The following PTPN11 variants were observed in gnomAD, a reference collection of about 807,000 sequenced individuals.
PTPN11 encodes tyrosine-protein phosphatase non-receptor type 11.
PTPN11 carries 6 observed loss-of-function variants against 78.8 expected under a neutral mutation model. The ratio of observed to expected loss-of-function variants is 0.08; its 90% CI spans 0.04 to 0.15. The LOEUF (loss-of-function observed/expected upper bound fraction) is 0.15. Among genes scored for constraint, PTPN11 ranks in the 10% least tolerant of loss-of-function variants. The pLI is 1.00. For synonymous variants in PTPN11, 221 were observed against 263.5 expected (o/e 0.84, Z 1.56); for missense variants, 386 against 744.8 (o/e 0.52, Z 5.61).
At chr12:112,439,614 G>A (rs1592815874) in intron 1 of PTPN11, among the ~76,000 whole-genome samples, 1 of 151,894 alleles carries the variant, frequency 6.6e-6, no homozygotes, top group East Asian at 1.9e-4. Context: ...GACTATAGGC[G>A]CGCACCACCA....
At chr12:112,444,526 A>G (rs1032676273) in intron 1 of PTPN11, among the ~76,000 whole-genome samples, 2 of 152,046 alleles carry the variant, frequency 1.3e-5, no homozygotes, top group African/African-American at 2.4e-5. Context: ...TTTTTAGTAG[A>G]GATGGGTTTC....
chr12:112,424,957 TGTGTG>T lies in PTPN11; in HGVS notation c.14+5833_14+5837del, dbSNP rs1411873348. Among the ~76,000 whole-genome samples, 178 of 17,802 alleles carry T rather than the reference TGTGTG, an allele frequency of 1.0e-2. 3 individuals are homozygous for T. The highest frequency in any genetic ancestry group is 0.015 in the East Asian group (9 of 588). The allele number at this position is 17,802 out of a possible 152,430, so 11.7% of individuals were successfully genotyped here. ...GCACACACCACCATGTCAGGCTAAT[TGTGTG>T]TGTGTGTGTGTGTGTGTGTGTGTGT... is the stretch of plus-strand genomic sequence containing the variant. On this transcript the variant is annotated intron_variant, in intron 1 of 15. Coordinates refer to ENST00000351677, the MANE Select transcript of PTPN11 (RefSeq NM_002834.5).
intron 1 of PTPN11, among the ~76,000 whole-genome samples, chr12:112,433,831 T>C (rs146163336): frequency 1.4e-4 from 22 of 152,256 alleles, no homozygotes; most frequent in African/African-American, 5.3e-4. Context: ...ATTGGACACC[T>C]TCATGGTCCC....
At chr12:112,445,362 C>T (rs897477442) in intron 1 of PTPN11, among the ~76,000 whole-genome samples, 2 of 152,106 alleles carry the variant, frequency 1.3e-5, no homozygotes, top group South Asian at 2.1e-4. Flanking sequence ...GAACTCCTGA[C>T]GTCAAGTGAT....
chr12:112,425,467 C>T (rs1242567139), intron 1 of PTPN11, among the ~76,000 whole-genome samples: 1 of 151,584 alleles, frequency 6.6e-6, no homozygotes, highest in African/African-American at 2.4e-5. Context: ...AAACTTATTC[C>T]CCAAGAACAA....
intron 1 of PTPN11, among the ~76,000 whole-genome samples, chr12:112,424,071 A>G (rs1335695754): frequency 5.3e-5 from 8 of 152,200 alleles, no homozygotes; most frequent in Admixed American, 5.2e-4. Flanking sequence ...TCTATTTTAA[A>G]GATAATGGTT....
chr12:112,500,333 G>T (rs1249688839), intron 13 of PTPN11, among the ~76,000 whole-genome samples: 1 of 152,132 alleles, frequency 6.6e-6, no homozygotes, highest in East Asian at 1.9e-4. Context: ...TCTAAGGATT[G>T]TTTCTTATAT....
At chr12:112,435,177 G>A (rs1441450112) in intron 1 of PTPN11, among the ~76,000 whole-genome samples, 1 of 151,826 alleles carries the variant, frequency 6.6e-6, no homozygotes, top group African/African-American at 2.4e-5. Flanking sequence ...TGCCATCAAT[G>A]CCCCACCAAT....
intron 14 of PTPN11, among the ~76,000 whole-genome samples, chr12:112,503,143 A>C (rs928367436): frequency 3.3e-5 from 5 of 152,226 alleles, no homozygotes; most frequent in African/African-American, 1.2e-4. Flanking sequence ...CAAAGACCCA[A>C]TAACAAAACA....
chr12:112,478,293 C>T (rs2038540916), intron 9 of PTPN11, among the ~76,000 whole-genome samples: 1 of 151,882 alleles, frequency 6.6e-6, no homozygotes. Flanking sequence ...ATATCCTGGG[C>T]TGGGCATGGT....
intron 1 of PTPN11, among the ~76,000 whole-genome samples, chr12:112,428,018 T>C (rs188233411): frequency 4.6e-5 from 7 of 152,324 alleles, no homozygotes; most frequent in Admixed American, 4.6e-4. Context: ...CCCAAAGTGC[T>C]GGCATTATGG....
chr12:112,447,463 A>G (rs77342137), intron 2 of PTPN11, among the ~76,000 whole-genome samples: 2,002 of 152,246 alleles, frequency 0.013, 53 homozygotes, highest in African/African-American at 0.046. Context: ...TTTGCAACTT[A>G]AAAATTTTTT....
At position 112,477,905 on chromosome 12, in the gene PTPN11, A is replaced by G; in HGVS notation, c.982A>G (p.Ile328Val). Residue 328 changes from isoleucine to valine, a missense_variant, in exon 9 of 16, where the codon ATT becomes GTT. Coordinates refer to ENST00000351677, the MANE Select transcript of PTPN11 (RefSeq NM_002834.5). The part of the protein sequence containing the change: ...CNNSKPKKSY[I>V]ATQGCLQNTV... ...CAATTCAAAGCCCAAAAAGAGTTAC[A>G]TTGCCACACAAGGCTGCCTGCAAAA... 2 of 1,614,216 alleles carry G rather than the reference A, an allele frequency of 1.2e-6. No individual in the cohort carries two copies. Among genetic ancestry groups the G allele is most frequent in the Non-Finnish European group, 8.5e-7 (1 of 1,180,034 alleles).
intron 13 of PTPN11, among the ~76,000 whole-genome samples, chr12:112,493,225 A>G (rs1050096656): frequency 6.6e-6 from 1 of 151,784 alleles, no homozygotes; most frequent in African/African-American, 2.4e-5. Flanking sequence ...CACCCGGCTA[A>G]TTTTTGTATT....
At position 112,482,216 on chromosome 12, in the gene PTPN11, T is replaced by C; in HGVS notation, c.1224+11T>C. 1 of 1,611,832 alleles carries C rather than the reference T, an allele frequency of 6.2e-7. No homozygotes were observed. The highest frequency in any genetic ancestry group is 1.3e-5 in the African/African-American group (1 of 74,994). On this transcript the variant is annotated intron_variant, in intron 10 of 15. Coordinates refer to ENST00000351677, the MANE Select transcript of PTPN11 (RefSeq NM_002834.5). The surrounding 1 kb of genome is among the most constrained non-coding windows in gnomAD (Gnocchi z 4.4). ...TCAAAGGTTGGACAAGTAAGTATAT[T>C]GTCGTATTCTAGAGACTTTGGGAAC...
At chr12:112,465,058 G>C (rs2038304891) in intron 6 of PTPN11, among the ~76,000 whole-genome samples, 1 of 152,186 alleles carries the variant, frequency 6.6e-6, no homozygotes, top group South Asian at 2.1e-4. Context: ...CTGTAATTTT[G>C]TGCCTGCAAT....
At chr12:112,421,759 T>G (rs554188553) in intron 1 of PTPN11, among the ~76,000 whole-genome samples, 2 of 152,146 alleles carry the variant, frequency 1.3e-5, no homozygotes, top group Non-Finnish European at 2.9e-5. Context: ...TTCCGGTTAC[T>G]GGGGCTACAG....
chr12:112,456,886 A>G (rs1236943751), intron 6 of PTPN11, among the ~76,000 whole-genome samples: 1 of 152,088 alleles, frequency 6.6e-6, no homozygotes, highest in African/African-American at 2.4e-5. Flanking sequence ...CAGAGTTCAA[A>G]TTGATAACTC....
rs1030716839 is a variant in PTPN11, at chr12:112,506,365, C to T, written c.*573C>T. On this transcript the variant is annotated 3_prime_UTR_variant, in exon 16 of 16. Coordinates refer to ENST00000351677, the MANE Select transcript of PTPN11 (RefSeq NM_002834.5). ...AGTGCCTGAGACTGTCAGAAGTTGA[C>T]CTTTGCACTGGCATTAAAGAGTCAT... is the stretch of plus-strand genomic sequence containing the variant. The T allele has an allele frequency of 2.0e-5, 3 of 151,682 alleles. No homozygotes were observed. Among genetic ancestry groups the T allele is most frequent in the African/African-American group, 4.8e-5 (2 of 41,368 alleles). 9.4% of individuals were successfully genotyped at this position (151,682 alleles called of 1,614,324 possible).
Sources: allele counts gnomAD v4.1 joint callset (sites outside exome capture counted in the v4.1 genomes callset), GRCh38; gene constraint gnomAD v4.1.1; non-coding constraint Gnocchi (gnomAD v3.1); transcripts MANE v1.5; gene names NCBI Gene and HGNC (gene_info 2026-07-23, HGNC 2026-07-21).